KCNQ5: variants seen among roughly 807,000 people sequenced by gnomAD.
KCNQ5 encodes the protein potassium voltage-gated channel subfamily Q member 5, also known as potassium voltage-gated channel subfamily KQT member 5.
In KCNQ5, 30 loss-of-function variants were observed where a neutral mutation model predicts 98.2. The ratio of observed to expected loss-of-function variants is 0.31; its 90% CI spans 0.23 to 0.41. The LOEUF (loss-of-function observed/expected upper bound fraction) is 0.41. Among genes scored for constraint, KCNQ5 ranks in the 10% least tolerant of loss-of-function variants. KCNQ5 has a pLI of 1.00. For synonymous variants in KCNQ5, 458 were observed against 449.4 expected (o/e 1.02, Z -0.24); for missense variants, 835 against 1,182.5 (o/e 0.71, Z 4.31).
At chr6:72,669,108 T>A (rs886984550) in intron 1 of KCNQ5, among the ~76,000 whole-genome samples, 1 of 152,122 alleles carries the variant, frequency 6.6e-6, no homozygotes, top group African/African-American at 2.4e-5. Flanking sequence ...GCATCAAGCA[T>A]CAACTCTAAA....
chr6:73,033,263 T>TA (rs1562138236), intron 2 of KCNQ5, among the ~76,000 whole-genome samples: 2 of 152,024 alleles, frequency 1.3e-5, no homozygotes, highest in African/African-American at 2.4e-5. Flanking sequence ...CAATACCTGA[T>TA]AAAAAACCAG....
chr6:72,851,539 G>A (rs1008896054), intron 1 of KCNQ5, among the ~76,000 whole-genome samples: 3 of 151,980 alleles, frequency 2.0e-5, no homozygotes, highest in Non-Finnish European at 1.5e-5. Context: ...TTATTGTCAT[G>A]GCTTGCAATT....
At chr6:72,935,045 T>C (rs1765845629) in intron 1 of KCNQ5, among the ~76,000 whole-genome samples, 1 of 149,922 alleles carries the variant, frequency 6.7e-6, no homozygotes, top group Non-Finnish European at 1.5e-5. Context: ...ACTGAATCCA[T>C]ATATTGGCCT....
At chr6:72,823,439 C>T (rs1342346866) in intron 1 of KCNQ5, among the ~76,000 whole-genome samples, 1 of 152,046 alleles carries the variant, frequency 6.6e-6, no homozygotes, top group Non-Finnish European at 1.5e-5. Context: ...TTGTAGGAAA[C>T]TCTTAGAATT....
chr6:72,796,181 T>A (rs1189361754), intron 1 of KCNQ5, among the ~76,000 whole-genome samples: 3 of 152,188 alleles, frequency 2.0e-5, no homozygotes, highest in African/African-American at 7.2e-5. Context: ...CATTATTAAA[T>A]ATAATTTATG....
chr6:72,756,331 C>T (rs6899716), intron 1 of KCNQ5, among the ~76,000 whole-genome samples: 3 of 152,070 alleles, frequency 2.0e-5, no homozygotes. Flanking sequence ...GCAGGAACAA[C>T]GTTCTCTTGT....
intron 3 of KCNQ5, among the ~76,000 whole-genome samples, chr6:73,065,944 C>T (rs561077264): frequency 7.7e-4 from 117 of 152,216 alleles, no homozygotes; most frequent in Admixed American, 2.2e-3. Context: ...GTCAGGAGTT[C>T]GAGACCAGCC....
At chr6:72,919,002 C>T (rs139531316) in intron 1 of KCNQ5, among the ~76,000 whole-genome samples, 7 of 152,298 alleles carry the variant, frequency 4.6e-5, no homozygotes, top group Non-Finnish European at 5.9e-5. Context: ...TCTCTCCCTC[C>T]CCTTCCCTGC....
At chr6:72,985,385 AT>A (rs1768718893) in intron 1 of KCNQ5, among the ~76,000 whole-genome samples, 1 of 152,250 alleles carries the variant, frequency 6.6e-6, no homozygotes, top group Non-Finnish European at 1.5e-5. Flanking sequence ...ATCAAGAGTA[AT>A]TTCAGATGAG....
intron 1 of KCNQ5, among the ~76,000 whole-genome samples, chr6:72,858,043 G>C (rs1368396788): frequency 6.6e-6 from 1 of 152,118 alleles, no homozygotes; most frequent in Non-Finnish European, 1.5e-5. Flanking sequence ...GAACAAAAAG[G>C]AGAACAAATA....
intron 1 of KCNQ5, among the ~76,000 whole-genome samples, chr6:72,662,055 A>G (rs1426071705): frequency 6.6e-6 from 1 of 151,964 alleles, no homozygotes; most frequent in Non-Finnish European, 1.5e-5. Context: ...CCTTCTCCTA[A>G]ACCTCTTTTT....
intron 1 of KCNQ5, among the ~76,000 whole-genome samples, chr6:72,908,482 A>C (rs918977286): frequency 6.6e-6 from 1 of 152,164 alleles, no homozygotes; most frequent in Non-Finnish European, 1.5e-5. Context: ...TATAAACAAT[A>C]AAATTTGTAA....
At chr6:72,745,839 T>A (rs1162870437) in intron 1 of KCNQ5, among the ~76,000 whole-genome samples, 1 of 152,114 alleles carries the variant, frequency 6.6e-6, no homozygotes, top group Non-Finnish European at 1.5e-5. Flanking sequence ...CTTCCTTGCC[T>A]CTTCCTAACA....
intron 5 of KCNQ5, among the ~76,000 whole-genome samples, chr6:73,101,615 C>G (rs1774776485): frequency 6.6e-6 from 1 of 151,956 alleles, no homozygotes; most frequent in African/African-American, 2.4e-5. Context: ...CAACTGCAAA[C>G]AATCTGAAAA....
chr6:72,675,640 T>C (rs1767371370), intron 1 of KCNQ5, among the ~76,000 whole-genome samples: 1 of 152,234 alleles, frequency 6.6e-6, no homozygotes, highest in Admixed American at 6.5e-5. Flanking sequence ...CTGAACTTTC[T>C]TGGCATGCTT....
At chr6:72,944,899 T>C (rs1275238977) in intron 1 of KCNQ5, among the ~76,000 whole-genome samples, 2 of 152,328 alleles carry the variant, frequency 1.3e-5, no homozygotes, top group Admixed American at 6.5e-5. Context: ...ATTCTCCTCA[T>C]TGCTGCGTGG....
chr6:73,084,625 C>T (rs1397305882), intron 5 of KCNQ5, among the ~76,000 whole-genome samples: 4 of 152,156 alleles, frequency 2.6e-5, no homozygotes, highest in Admixed American at 6.5e-5. Context: ...TTCTAGAAAA[C>T]GAACTGACTG....
At chr6:73,185,266 C>T (rs1289144007) in intron 11 of KCNQ5, among the ~76,000 whole-genome samples, 2 of 152,158 alleles carry the variant, frequency 1.3e-5, no homozygotes, top group African/African-American at 2.4e-5. Flanking sequence ...ACTGTAGCCT[C>T]GACCTCCTGG....
At chr6:73,035,222 C>A (rs1402429224) in intron 2 of KCNQ5, among the ~76,000 whole-genome samples, 2 of 152,150 alleles carry the variant, frequency 1.3e-5, no homozygotes, top group Admixed American at 1.3e-4. Context: ...TACCAAAATT[C>A]TGTGAGGACA....
Sources: allele counts gnomAD v4.1 joint callset (sites outside exome capture counted in the v4.1 genomes callset), GRCh38; gene constraint gnomAD v4.1.1; transcripts MANE v1.5; gene names NCBI Gene and HGNC (gene_info 2026-07-23, HGNC 2026-07-21).